The following SERPINB11 variants were observed in gnomAD, a reference collection of about 807,000 sequenced individuals.
SERPINB11 encodes serpin B11.
Under a neutral mutation model 36.7 loss-of-function variants are expected in SERPINB11, and 32 were observed. The ratio of observed to expected loss-of-function variants is 0.87; its 90% CI spans 0.66 to 1.17. The LOEUF (loss-of-function observed/expected upper bound fraction) is 1.17. SERPINB11 is among the 50% of genes most tolerant of loss of function. SERPINB11 has a pLI of 0.00. For missense variants in SERPINB11, 528 were observed against 458.4 expected (o/e 1.15, Z -1.39); for synonymous variants, 174 against 168.1 (o/e 1.04, Z -0.27).
At chr18:63,712,459 G>C in intron 3 of SERPINB11, 106 bp from the exon 4 acceptor site, 2 of 1,146,580 alleles carry the variant, frequency 1.7e-6, no homozygotes, top group East Asian at 2.4e-5. Flanking sequence ...TGTATTCACA[G>C]CCCTTTTATT....
intron 4 of SERPINB11, 46 bp from the exon 5 acceptor site, chr18:63,715,989 C>A: frequency 7.5e-7 from 1 of 1,333,488 alleles, no homozygotes; most frequent in Non-Finnish European, 1.1e-6. Context: ...TTTTGTTTTC[C>A]TTACACTGCT....
Position 63,712,591 on chromosome 18 carries a change from C to T in SERPINB11, c.255C>T (p.Ser85=), listed in dbSNP as rs118175940. 1.2e-3 allele frequency: 1,879 copies of T among 1,613,666 alleles called. 5 individuals carry two copies. In the Middle Eastern group the frequency reaches 0.016, roughly 14 times the overall value. Residue 85 remains serine, a synonymous_variant, in exon 4 of 8, where the codon TCC becomes TCT. Coordinates refer to ENST00000544088, the MANE Select transcript of SERPINB11 (RefSeq NM_001370475.1). ...PKCSQAGRIH[S]EFGVEFSQIN... ...GCAGCCAAGCTGGAAGAATTCATTCCGAGTTTGGTGTCGAATTCTCTCAAA... is the reference window on the plus strand; with the variant it reads ...GCAGCCAAGCTGGAAGAATTCATTCTGAGTTTGGTGTCGAATTCTCTCAAA...
In SERPINB11 at chr18:63,710,218, G is replaced by A. The variant is rs769803949; in HGVS notation, c.25G>A (p.Val9Ile). 45 of 1,611,226 alleles carry A rather than the reference G, an allele frequency of 2.8e-5. No homozygotes were observed. Among genetic ancestry groups the A allele is most frequent in the East Asian group, 2.7e-4 (12 of 44,712 alleles). Reference sequence around the variant, plus strand: ...AATGGGTTCTCTCAGCACAGCTAACGTTGAATTTTGCCTTGATGTGTTCAA... The same window carrying A: ...AATGGGTTCTCTCAGCACAGCTAACATTGAATTTTGCCTTGATGTGTTCAA... MGSLSTAN[V>I]EFCLDVFKEL... The change falls in exon 2 of 8, where the codon GTT becomes ATT. Residue 9 changes from valine to isoleucine, a missense_variant. By Grantham distance (29) the Val-to-Ile change is conservative (BLOSUM62 3). Coordinates refer to ENST00000544088, the MANE Select transcript of SERPINB11 (RefSeq NM_001370475.1).
intron 6 of SERPINB11, chr18:63,720,379 G>A (rs1914777114): frequency 4.0e-6 from 2 of 506,046 alleles, no homozygotes; most frequent in South Asian, 2.4e-5. Flanking sequence ...TTCTCTGGCA[G>A]AGGAGAAAAC....
chr18:63,717,200 C>T (rs973692082), intron 5 of SERPINB11, among the ~76,000 whole-genome samples: 1 of 152,006 alleles, frequency 6.6e-6, no homozygotes, highest in Non-Finnish European at 1.5e-5. Context: ...TGTAGTTACA[C>T]ATTGCATGGT....
chr18:63,706,177 T>C (rs188220296), intron 1 of SERPINB11, among the ~76,000 whole-genome samples: 1 of 152,338 alleles, frequency 6.6e-6, no homozygotes, highest in Non-Finnish European at 1.5e-5. Flanking sequence ...TACTCCTTAA[T>C]GATTATTTTA....
At chr18:63,707,399 A>G (rs970622659) in intron 1 of SERPINB11, among the ~76,000 whole-genome samples, 1 of 152,210 alleles carries the variant, frequency 6.6e-6, no homozygotes, top group Non-Finnish European at 1.5e-5. Flanking sequence ...CTGATTTCTC[A>G]TCAAGGGGCA....
At position 63,705,040 on chromosome 18, in the gene SERPINB11, A is replaced by G. The variant is rs114022711; in HGVS notation, c.-16+2034A>G. ...GGATGAATCTTAAAAATATAGTACT[A>G]GGTGAAAAGTATGTGAAAACTTGTA... On this transcript the variant is annotated intron_variant, in intron 1 of 7. Transcript: ENST00000544088. Among the ~76,000 whole-genome samples the G allele has an allele frequency of 8.9e-3, 1,360 of 152,298 alleles. 11 individuals are homozygous for G. Among genetic ancestry groups the G allele is most frequent in the African/African-American group, 0.03 (1,253 of 41,568 alleles).
At chr18:63,703,546 T>G (rs2144525391) in intron 1 of SERPINB11, among the ~76,000 whole-genome samples, 1 of 152,350 alleles carries the variant, frequency 6.6e-6, no homozygotes, top group South Asian at 2.1e-4. Context: ...ATTCCTACTA[T>G]TTTTAGGAAT....
intron 2 of SERPINB11, among the ~76,000 whole-genome samples, 185 bp downstream of exon 2, chr18:63,710,546 A>G (rs745664102): frequency 1.3e-5 from 2 of 152,258 alleles, no homozygotes; most frequent in Non-Finnish European, 2.9e-5. Context: ...GCTGTAATGC[A>G]AACAATGTAA....
chr18:63,717,937 ATAT>A (rs1386162391), intron 5 of SERPINB11, among the ~76,000 whole-genome samples: 1 of 152,036 alleles, frequency 6.6e-6, no homozygotes, highest in Non-Finnish European at 1.5e-5. Flanking sequence ...GTTTGTGAAA[ATAT>A]TTTCGTATGT....
chr18:63,722,877 A>G (rs1914849925), intron 7 of SERPINB11, 118 bp from the exon 8 acceptor site: 6 of 1,025,144 alleles, frequency 5.9e-6, no homozygotes, highest in Non-Finnish European at 8.3e-6. Context: ...GACTGTATTA[A>G]AGGTAGAAAA....
At chr18:63,716,293 A>G (rs1002962161) in intron 5 of SERPINB11, 141 bp downstream of exon 5, 2 of 514,818 alleles carry the variant, frequency 3.9e-6, no homozygotes, top group South Asian at 3.2e-5. Flanking sequence ...CATATTTTGG[A>G]ATACCCCTTA....
intron 5 of SERPINB11, among the ~76,000 whole-genome samples, chr18:63,716,767 G>A (rs1051295074): frequency 6.7e-6 from 1 of 149,000 alleles, no homozygotes; most frequent in African/African-American, 2.5e-5. Flanking sequence ...TAAATATTCA[G>A]TGTGTTTTCA....
At chr18:63,722,512 G>C in intron 7 of SERPINB11, among the ~76,000 whole-genome samples, 1 of 152,162 alleles carries the variant, frequency 6.6e-6, no homozygotes, top group Non-Finnish European at 1.5e-5. Context: ...AGCTTCAGGA[G>C]CAGCTACCAG....
In SERPINB11 at chr18:63,723,674, A is replaced by G. The variant is rs77949484; in HGVS notation, c.*275A>G. On this transcript the variant is annotated 3_prime_UTR_variant, in exon 8 of 8. Transcript: ENST00000544088. ...TGCTGTCCAGTGACATGATCAAGTC[A>G]ATGAGTAAAATTTTAAGGGATTAGA... 3.4e-3 allele frequency: 1,093 copies of G among 323,948 alleles called. 5 individuals are homozygous for G. Among genetic ancestry groups the G allele is most frequent in the African/African-American group, 0.021 (1,003 of 47,228 alleles). The allele number at this position is 323,948 out of a possible 1,614,324, so 20.1% of individuals were successfully genotyped here.
At chr18:63,709,305 C>CTG (rs1914452275) in intron 1 of SERPINB11, among the ~76,000 whole-genome samples, 1 of 152,066 alleles carries the variant, frequency 6.6e-6, no homozygotes, top group Non-Finnish European at 1.5e-5. Context: ...TGAGGTCCCA[C>CTG]TGAGGAGATA....
In SERPINB11 at chr18:63,720,145, A is replaced by G; in HGVS notation, c.608A>G (p.Gln203Arg). ...QVRETVKSPFQLSEGKNVTVE... is the reference protein window; with the variant it reads ...QVRETVKSPFRLSEGKNVTVE... ...AGAGAGACAGTTAAAAGTCCTTTTCAGCTAAGTGAGGTAAGTATTTTATTT... is the reference window on the plus strand; with the variant it reads ...AGAGAGACAGTTAAAAGTCCTTTTCGGCTAAGTGAGGTAAGTATTTTATTT... Residue 203 changes from glutamine (Q) to arginine (R), a missense_variant, in exon 6 of 8, where the codon CAG becomes CGG. By Grantham distance (43) the Gln-to-Arg change is conservative. Transcript: ENST00000544088. 2 of 1,605,036 alleles carry G rather than the reference A, an allele frequency of 1.2e-6. No homozygotes were observed. Among genetic ancestry groups the G allele is most frequent in the Non-Finnish European group, 1.7e-6 (2 of 1,173,952 alleles).
chr18:63,708,543 G>A lies in SERPINB11; in HGVS notation c.-15-1636G>A, dbSNP rs531774624. 3.3e-5 allele frequency among the ~76,000 whole-genome samples: 5 copies of A among 152,294 alleles called. No individual in the cohort carries two copies. In the South Asian group the frequency reaches 1.0e-3, roughly 32 times the overall value. On this transcript the variant is annotated intron_variant, in intron 1 of 7. Coordinates refer to ENST00000544088, the MANE Select transcript of SERPINB11 (RefSeq NM_001370475.1). Reference sequence around the variant, plus strand: ...AGGATGATCACAAGGTTTTTAGCTTGAGAAAGAATAGAAGAATGGAATTGC... The same window carrying A: ...AGGATGATCACAAGGTTTTTAGCTTAAGAAAGAATAGAAGAATGGAATTGC...
Sources: allele counts gnomAD v4.1 joint callset (sites outside exome capture counted in the v4.1 genomes callset), GRCh38; gene constraint gnomAD v4.1.1; transcripts MANE v1.5; gene names NCBI Gene and HGNC (gene_info 2026-07-23, HGNC 2026-07-21).